The following CHODL variants were observed in gnomAD, a reference collection of about 807,000 sequenced individuals.
The protein encoded by CHODL is chondrolectin, also known as transmembrane protein MT75.
A neutral mutation model predicts 34.5 loss-of-function variants in CHODL; 29 were observed. That is an observed-to-expected ratio of 0.84 (90% CI 0.63 to 1.15). The LOEUF (loss-of-function observed/expected upper bound fraction) is 1.15, where lower values mean the gene tolerates loss of function less well. Among genes scored for constraint, CHODL ranks in the 50% most tolerant of loss-of-function variants. The pLI, the probability that CHODL is intolerant of heterozygous loss-of-function variation, is 0.00. For missense variants in CHODL, 332 were observed against 332.5 expected (o/e 1.00, Z 0.01); for synonymous variants, 125 against 116.1 (o/e 1.08, Z -0.49).
chr21:17,928,141 T>C (rs550762857), intron 1 of CHODL, among the ~76,000 whole-genome samples: 1 of 152,356 alleles, frequency 6.6e-6, no homozygotes, highest in South Asian at 2.1e-4. Flanking sequence ...AAAGATCTTG[T>C]AAGAATTAAT....
At chr21:18,107,465 A>G (rs553338567) in intron 2 of CHODL, among the ~76,000 whole-genome samples, 16 of 152,372 alleles carry the variant, frequency 1.1e-4, no homozygotes, top group African/African-American at 3.6e-4. Flanking sequence ...TGGCAACTAT[A>G]CCAGGCCATA....
In CHODL at chr21:18,245,319, C is replaced by T; in HGVS notation, c.79+17C>T. 1 of 1,512,760 alleles carries T rather than the reference C, an allele frequency of 6.6e-7. No individual in the cohort carries two copies. The highest frequency in any genetic ancestry group is 8.8e-7 in the Non-Finnish European group (1 of 1,135,756). 93.7% of individuals were successfully genotyped at this position (1,512,760 alleles called of 1,614,324 possible). On this transcript the variant is annotated intron_variant, in intron 1 of 5. Coordinates refer to ENST00000299295, the MANE Select transcript of CHODL (RefSeq NM_024944.3). Reference sequence around the variant, plus strand: ...TGGTCAGCGGTGAGTCAGGGGCCGTCTCCCCGAAGAACGAGCGGGGAGAGG... The same window carrying T: ...TGGTCAGCGGTGAGTCAGGGGCCGTTTCCCCGAAGAACGAGCGGGGAGAGG...
At chr21:18,201,012 T>C (rs2073645042) in intron 2 of CHODL, among the ~76,000 whole-genome samples, 1 of 152,152 alleles carries the variant, frequency 6.6e-6, no homozygotes, top group Non-Finnish European at 1.5e-5. Flanking sequence ...CTTCTGGCCT[T>C]CAGAATCGTG....
intron 2 of CHODL, among the ~76,000 whole-genome samples, chr21:18,180,769 A>C (rs2146675906): frequency 6.6e-6 from 1 of 152,316 alleles, no homozygotes; most frequent in South Asian, 2.1e-4. Flanking sequence ...GGGAGGCCAA[A>C]TATTGTTTAG....
chr21:18,042,543 C>A (rs561217496), intron 2 of CHODL, among the ~76,000 whole-genome samples: 29 of 152,066 alleles, frequency 1.9e-4, no homozygotes, highest in Non-Finnish European at 3.4e-4. Context: ...TGTCACCCAG[C>A]CAGTGTGAAG....
chr21:17,970,464 T>C (rs1463804485), intron 1 of CHODL, among the ~76,000 whole-genome samples: 1 of 152,226 alleles, frequency 6.6e-6, no homozygotes. Context: ...ATGTATGGAA[T>C]AATGCCTTAA....
chr21:18,062,698 G>A (rs936035739), intron 2 of CHODL, among the ~76,000 whole-genome samples: 5 of 152,038 alleles, frequency 3.3e-5, no homozygotes, highest in African/African-American at 9.7e-5. Context: ...CCCAGGAGAC[G>A]GAGGTTGCAG....
intron 2 of CHODL, among the ~76,000 whole-genome samples, chr21:18,233,588 G>A (rs748845726): frequency 6.6e-6 from 1 of 152,018 alleles, no homozygotes. Flanking sequence ...CAGAGTTTTC[G>A]ATAACATTAT....
chr21:18,108,172 G>A (rs205682), intron 2 of CHODL, among the ~76,000 whole-genome samples: 111,519 of 150,764 alleles, frequency 0.74, 41,578 homozygotes, highest in African/African-American at 0.83. Flanking sequence ...ATCATTTACT[G>A]TATGATCTAT....
At chr21:18,206,119 T>TAA (rs1355097518) in intron 2 of CHODL, among the ~76,000 whole-genome samples, 1 of 152,222 alleles carries the variant, frequency 6.6e-6, no homozygotes, top group Non-Finnish European at 1.5e-5. Context: ...AATCACTGGA[T>TAA]AAAATGTTCC....
intron 2 of CHODL, among the ~76,000 whole-genome samples, chr21:18,084,461 G>A (rs1056247385): frequency 1.3e-5 from 2 of 152,054 alleles, no homozygotes; most frequent in Non-Finnish European, 2.9e-5. Flanking sequence ...TTGGTATATT[G>A]TGTTGTCAAT....
intron 2 of CHODL, among the ~76,000 whole-genome samples, chr21:18,165,491 C>G (rs2073141382): frequency 6.6e-6 from 1 of 152,174 alleles, no homozygotes; most frequent in African/African-American, 2.4e-5. Flanking sequence ...ATTTGGCTCA[C>G]AAATCTGCAA....
At chr21:18,219,688 G>C (rs995562020) in intron 2 of CHODL, among the ~76,000 whole-genome samples, 5 of 151,842 alleles carry the variant, frequency 3.3e-5, no homozygotes, top group Non-Finnish European at 7.4e-5. Context: ...GGGATATCCA[G>C]CATTTTTTAT....
At chr21:17,936,904 T>C (rs935976458) in intron 1 of CHODL, among the ~76,000 whole-genome samples, 1 of 152,000 alleles carries the variant, frequency 6.6e-6, no homozygotes, top group African/African-American at 2.4e-5. Flanking sequence ...TGAATCTCTT[T>C]CTCTACTAAA....
intron 2 of CHODL, among the ~76,000 whole-genome samples, chr21:18,145,159 G>A (rs547494591): frequency 3.7e-4 from 56 of 151,040 alleles, no homozygotes; most frequent in Admixed American, 5.9e-4. Flanking sequence ...CATTTGGGCC[G>A]GGCGCGGTGG....
At chr21:18,060,465 T>TAAAC (rs2064647071) in intron 2 of CHODL, among the ~76,000 whole-genome samples, 1 of 151,204 alleles carries the variant, frequency 6.6e-6, no homozygotes, top group African/African-American at 2.4e-5. Flanking sequence ...AATAAATAAA[T>TAAAC]AAATAAATAA....
chr21:17,939,951 C>T (rs1394982774), intron 1 of CHODL, among the ~76,000 whole-genome samples: 1 of 152,290 alleles, frequency 6.6e-6, no homozygotes, highest in East Asian at 1.9e-4. Flanking sequence ...CTTTGGCAAA[C>T]AGTTTGGCAG....
intron 2 of CHODL, among the ~76,000 whole-genome samples, chr21:18,173,273 C>G (rs2073253668): frequency 6.6e-6 from 1 of 152,104 alleles, no homozygotes; most frequent in African/African-American, 2.4e-5. Flanking sequence ...TATTTCATCA[C>G]CTTTGTCATA....
intron 2 of CHODL, among the ~76,000 whole-genome samples, chr21:18,137,577 C>T (rs117005479): frequency 1.8e-3 from 276 of 152,276 alleles, no homozygotes; most frequent in Non-Finnish European, 3.0e-3. Flanking sequence ...CACTCTCAAC[C>T]TTTATGCTAT....
Sources: allele counts gnomAD v4.1 joint callset (sites outside exome capture counted in the v4.1 genomes callset), GRCh38; gene constraint gnomAD v4.1.1; transcripts MANE v1.5; gene names NCBI Gene and HGNC (gene_info 2026-07-23, HGNC 2026-07-21).